The following SLC14A2 variants were observed in gnomAD, a reference collection of about 807,000 sequenced individuals.
SLC14A2 encodes the protein solute carrier family 14 member 2.
In SLC14A2, 91 loss-of-function variants were observed where a neutral mutation model predicts 104.6. The ratio of observed to expected loss-of-function variants is 0.87; its 90% CI spans 0.73 to 1.04. The LOEUF is 1.04. Ranked by LOEUF, SLC14A2 falls within the 50% of genes least tolerant of loss-of-function variation. SLC14A2 has a pLI of 0.00. For missense variants in SLC14A2, 1,189 were observed against 1,156.0 expected, an observed-to-expected ratio of 1.03 and a Z score of -0.41; for synonymous variants, 476 against 466.4, an observed-to-expected ratio of 1.02 and a Z score of -0.27.
At chr18:45,633,259 C>T (rs2045372634) in intron 5 of SLC14A2, among the ~76,000 whole-genome samples, 1 of 152,168 alleles carries the variant, frequency 6.6e-6, no homozygotes, top group Non-Finnish European at 1.5e-5. Flanking sequence ...TATTAAACCC[C>T]AGGTTGCATG....
chr18:45,657,829 G>C (rs186884696), intron 10 of SLC14A2, among the ~76,000 whole-genome samples: 20 of 152,280 alleles, frequency 1.3e-4, no homozygotes, highest in African/African-American at 4.8e-4. Context: ...AGAGAGTTTA[G>C]AGAATGATCT....
At chr18:45,190,149 G>A in the SLC14A2 span, among the ~76,000 whole-genome samples, 1 of 152,216 alleles carries the variant, frequency 6.6e-6, no homozygotes, top group Non-Finnish European at 1.5e-5. Context: ...TGCATACAAA[G>A]TGATTTTTAT....
chr18:45,314,920 A>T (rs1474590079), intron 1 of SLC14A2, among the ~76,000 whole-genome samples: 1 of 152,230 alleles, frequency 6.6e-6, no homozygotes, highest in Non-Finnish European at 1.5e-5. Context: ...TAAGAAGATA[A>T]TAAGAGTGTC....
At chr18:45,226,515 T>G (rs2084118793) in intron 1 of SLC14A2, among the ~76,000 whole-genome samples, 1 of 152,080 alleles carries the variant, frequency 6.6e-6, no homozygotes, top group African/African-American at 2.4e-5. Context: ...TCATGTCCTT[T>G]GTTGGGACAT....
intron 2 of SLC14A2, among the ~76,000 whole-genome samples, chr18:45,545,659 A>G (rs1488505680): frequency 6.6e-6 from 1 of 152,166 alleles, no homozygotes; most frequent in Admixed American, 6.5e-5. Flanking sequence ...TTAACAGTAG[A>G]TCATGCTACA....
chr18:45,682,277 C>T, intron 19 of SLC14A2, 42 bp from the exon 20 acceptor site: 1 of 1,572,358 alleles, frequency 6.4e-7, no homozygotes, highest in East Asian at 2.2e-5. Context: ...AATGCACAGG[C>T]ACCTGATGTG....
intron 1 of SLC14A2, among the ~76,000 whole-genome samples, chr18:45,339,296 G>A (rs1000572437): frequency 1.2e-4 from 19 of 152,122 alleles, no homozygotes; most frequent in Non-Finnish European, 2.8e-4. Flanking sequence ...GGACAAGACT[G>A]CCTGTACAAC....
chr18:45,404,108 A>G (rs878986581), intron 1 of SLC14A2, among the ~76,000 whole-genome samples: 1 of 152,142 alleles, frequency 6.6e-6, no homozygotes, highest in South Asian at 2.1e-4. Context: ...CCTCTTCCCA[A>G]TTTGAGAGGT....
chr18:45,515,047 G>A (rs1306490354), intron 2 of SLC14A2, among the ~76,000 whole-genome samples: 1 of 152,182 alleles, frequency 6.6e-6, no homozygotes, highest in Non-Finnish European at 1.5e-5. Flanking sequence ...CCTAGAATAG[G>A]TGGAGGAGAA....
At chr18:45,671,123 T>G (rs995203410) in intron 16 of SLC14A2, among the ~76,000 whole-genome samples, 11 of 152,222 alleles carry the variant, frequency 7.2e-5, no homozygotes, top group African/African-American at 2.7e-4. Context: ...TTGCTCTAAG[T>G]GGCATGCTAT....
chr18:45,577,070 C>G (rs2144350748), intron 2 of SLC14A2, among the ~76,000 whole-genome samples: 1 of 152,180 alleles, frequency 6.6e-6, no homozygotes, highest in South Asian at 2.1e-4. Flanking sequence ...AGTGAGAGAA[C>G]TCCACAAAAG....
the SLC14A2 span, among the ~76,000 whole-genome samples, chr18:45,192,636 G>GTGTGT: frequency 8.9e-6 from 1 of 112,752 alleles, no homozygotes; most frequent in Non-Finnish European, 2.0e-5. Context: ...GTGTGTGTGT[G>GTGTGT]GTTTTTTTTT....
the SLC14A2 span, among the ~76,000 whole-genome samples, chr18:45,202,823 T>A: frequency 6.6e-6 from 1 of 152,326 alleles, no homozygotes; most frequent in African/African-American, 2.4e-5. Flanking sequence ...GTTTTCCACC[T>A]GGAGAAGGCC....
At chr18:45,599,624 C>T (rs544712057) in intron 2 of SLC14A2, among the ~76,000 whole-genome samples, 5 of 152,274 alleles carry the variant, frequency 3.3e-5, no homozygotes, top group African/African-American at 4.8e-5. Context: ...TCTGCACCTC[C>T]GGCAGGGACA....
rs115479445 is a variant in SLC14A2, at chr18:45,617,733, T to C, written c.-35+2151T>C. Among the ~76,000 whole-genome samples, 678 of 151,910 alleles carry C rather than the reference T, an allele frequency of 4.5e-3. 11 individuals are homozygous for C. Among genetic ancestry groups the C allele is most frequent in the African/African-American group, 0.015 (605 of 41,438 alleles). On this transcript the variant is annotated intron_variant, in intron 1 of 19. Transcript: ENST00000255226. Reference sequence around the variant, plus strand: ...CCCATTCTGGCAGCCTGACCAAACATCCACCTAGCCCCACACACCTGATTT... The same window carrying C: ...CCCATTCTGGCAGCCTGACCAAACACCCACCTAGCCCCACACACCTGATTT...
intron 1 of SLC14A2, among the ~76,000 whole-genome samples, chr18:45,294,773 G>C (rs1185234675): frequency 6.6e-6 from 1 of 152,204 alleles, no homozygotes; most frequent in Non-Finnish European, 1.5e-5. Flanking sequence ...GATCAGACTT[G>C]TCTTGATTTA....
intron 1 of SLC14A2, among the ~76,000 whole-genome samples, chr18:45,382,985 C>G (rs2085854990): frequency 1.3e-5 from 2 of 152,154 alleles, no homozygotes; most frequent in Admixed American, 6.5e-5. Flanking sequence ...GAGAAGGATT[C>G]TAAGTGTTGT....
At chr18:45,404,705 C>G (rs1476645259) in intron 1 of SLC14A2, among the ~76,000 whole-genome samples, 1 of 152,196 alleles carries the variant, frequency 6.6e-6, no homozygotes, top group African/African-American at 2.4e-5. Flanking sequence ...TGGAAAGAAG[C>G]CTGAAACTGG....
chr18:45,402,147 A>G (rs2086103172), intron 1 of SLC14A2, among the ~76,000 whole-genome samples: 6 of 152,174 alleles, frequency 3.9e-5, no homozygotes, highest in African/African-American at 1.2e-4. Context: ...AGGTCTTAAT[A>G]GAGAACTGGG....
Sources: allele counts gnomAD v4.1 joint callset (sites outside exome capture counted in the v4.1 genomes callset), GRCh38; gene constraint gnomAD v4.1.1; transcripts MANE v1.5; gene names NCBI Gene and HGNC (gene_info 2026-07-23, HGNC 2026-07-21).